The following PDE4B variants were observed in gnomAD, a reference collection of about 807,000 sequenced individuals.
PDE4B encodes 3',5'-cyclic-AMP phosphodiesterase 4B.
PDE4B carries 20 observed loss-of-function variants against 82.2 expected under a neutral mutation model. That is an observed-to-expected ratio of 0.24 (90% CI 0.17 to 0.35). The LOEUF is 0.35. Ranked by LOEUF, PDE4B falls within the 10% of genes least tolerant of loss-of-function variation. The pLI, the probability that PDE4B is intolerant of heterozygous loss-of-function variation, is 1.00. For synonymous variants in PDE4B, 320 were observed against 318.9 expected, an observed-to-expected ratio of 1.00 and a Z score of -0.04; for missense variants, 655 against 907.2, an observed-to-expected ratio of 0.72 and a Z score of 3.57.
chr1:66,200,449 T>C (rs898231911), intron 3 of PDE4B, among the ~76,000 whole-genome samples: 3 of 152,232 alleles, frequency 2.0e-5, no homozygotes, highest in African/African-American at 7.2e-5. Flanking sequence ...TATGGCCATT[T>C]TCACGATATT....
intron 3 of PDE4B, among the ~76,000 whole-genome samples, chr1:65,928,299 T>G (rs1035038367): frequency 3.9e-5 from 6 of 152,208 alleles, no homozygotes; most frequent in African/African-American, 7.2e-5. Flanking sequence ...ATTAGTCTTT[T>G]GTCCATTCGA....
rs1652737661 is a variant in PDE4B at position 66,015,755 on chromosome 1, G to A, written c.281+96920G>A. ...TCAAATTAATATTTCTTTTTCCAGA[G>A]GAAAAGGTGGGGGGTGTTTGATTAG... is the stretch of plus-strand genomic sequence containing the variant. On this transcript the variant is annotated intron_variant, in intron 3 of 16. Transcript: ENST00000341517. 2.6e-5 allele frequency among the ~76,000 whole-genome samples: 4 copies of A among 152,108 alleles called. No individual in the cohort carries two copies. In the South Asian group the frequency reaches 8.3e-4, roughly 31 times the overall value.
intron 3 of PDE4B, among the ~76,000 whole-genome samples, chr1:66,058,984 T>C (rs570074736): frequency 6.6e-6 from 1 of 152,348 alleles, no homozygotes; most frequent in South Asian, 2.1e-4. Flanking sequence ...TTTTGAACTC[T>C]TATGCTCTGC....
At chr1:66,222,567 A>G (rs1376090970) in intron 3 of PDE4B, among the ~76,000 whole-genome samples, 1 of 152,204 alleles carries the variant, frequency 6.6e-6, no homozygotes, top group Non-Finnish European at 1.5e-5. Context: ...TCTAAAGGAG[A>G]AGATAAAAGT....
intron 1 of PDE4B, among the ~76,000 whole-genome samples, chr1:65,891,884 T>G (rs991235361): frequency 2.0e-5 from 3 of 152,090 alleles, no homozygotes; most frequent in Admixed American, 6.6e-5. Context: ...CAAATAATTA[T>G]TCTAGAAGTC....
At chr1:66,182,368 C>T (rs769657924) in intron 3 of PDE4B, among the ~76,000 whole-genome samples, 7 of 151,988 alleles carry the variant, frequency 4.6e-5, no homozygotes, top group South Asian at 2.1e-4. Flanking sequence ...TTATACAAAA[C>T]ATATATAGAG....
intron 1 of PDE4B, among the ~76,000 whole-genome samples, chr1:65,866,615 T>G (rs1316528463): frequency 6.6e-6 from 1 of 152,206 alleles, no homozygotes; most frequent in Non-Finnish European, 1.5e-5. Flanking sequence ...CTAGGTCACG[T>G]AAAGCTACCA....
chr1:65,923,883 T>C (rs1647347936), intron 3 of PDE4B, among the ~76,000 whole-genome samples: 2 of 152,048 alleles, frequency 1.3e-5, no homozygotes, highest in Non-Finnish European at 2.9e-5. Context: ...TTATCAGATC[T>C]GGAATATTCT....
chr1:66,020,226 C>A (rs557354705), intron 3 of PDE4B, among the ~76,000 whole-genome samples: 27 of 152,172 alleles, frequency 1.8e-4, no homozygotes, highest in African/African-American at 6.0e-4. Flanking sequence ...CAGTAGGATT[C>A]TGATTAAGGC....
intron 3 of PDE4B, among the ~76,000 whole-genome samples, chr1:66,124,411 G>T (rs963549336): frequency 6.6e-6 from 1 of 152,114 alleles, no homozygotes; most frequent in Non-Finnish European, 1.5e-5. Flanking sequence ...TATTCAATTG[G>T]ACACTTTGAA....
intron 16 of PDE4B, among the ~76,000 whole-genome samples, chr1:66,371,715 C>T (rs1009940905): frequency 6.6e-6 from 1 of 152,170 alleles, no homozygotes; most frequent in Non-Finnish European, 1.5e-5. Context: ...CAAAAGCATT[C>T]CACAGAACTT....
At chr1:66,119,921 A>C (rs1645676321) in intron 3 of PDE4B, among the ~76,000 whole-genome samples, 1 of 152,162 alleles carries the variant, frequency 6.6e-6, no homozygotes, top group African/African-American at 2.4e-5. Flanking sequence ...CAAGCCATGG[A>C]ATCTCTGAGG....
intron 7 of PDE4B, among the ~76,000 whole-genome samples, chr1:66,300,983 G>T (rs1657849353): frequency 6.6e-6 from 1 of 152,080 alleles, no homozygotes; most frequent in African/African-American, 2.4e-5. Flanking sequence ...TCACAAACAG[G>T]CTCCATATTC....
At position 66,374,378 on chromosome 1, in the gene PDE4B, G is replaced by A. The variant is rs1361977041; in HGVS notation, c.*1700G>A. 1.3e-5 allele frequency: 2 copies of A among 152,560 alleles called. No individual in the cohort carries two copies. Among genetic ancestry groups the A allele is most frequent in the South Asian group, 2.1e-4 (1 of 4,830 alleles). The allele number at this position is 152,560 out of a possible 1,614,324, so 9.5% of individuals were successfully genotyped here. ...TGTTTCATGCTTTCAGTTCAGCATT[G>A]TGACTCAGTAATTACAGAAAATGGC... On this transcript the variant is annotated 3_prime_UTR_variant, in exon 17 of 17. Coordinates refer to ENST00000341517, the MANE Select transcript of PDE4B (RefSeq NM_002600.4).
chr1:66,134,833 C>T (rs975674335), intron 3 of PDE4B, among the ~76,000 whole-genome samples: 4 of 151,976 alleles, frequency 2.6e-5, no homozygotes, highest in South Asian at 2.1e-4. Flanking sequence ...GCTTTAGAGC[C>T]GTGTAGATAA....
At chr1:65,995,010 A>G (rs1651459445) in intron 3 of PDE4B, among the ~76,000 whole-genome samples, 1 of 152,156 alleles carries the variant, frequency 6.6e-6, no homozygotes, top group Admixed American at 6.6e-5. Flanking sequence ...ATGGTATCTG[A>G]AGTTACCTAC....
chr1:66,280,842 C>T (rs971672074), intron 7 of PDE4B, among the ~76,000 whole-genome samples: 1 of 152,024 alleles, frequency 6.6e-6, no homozygotes, highest in African/African-American at 2.4e-5. Context: ...ATATTTTAGG[C>T]CTATTGAGTT....
At chr1:66,164,870 C>G (rs1044762403) in intron 3 of PDE4B, among the ~76,000 whole-genome samples, 3 of 150,188 alleles carry the variant, frequency 2.0e-5, no homozygotes, top group Non-Finnish European at 4.4e-5. Context: ...TCATGCCATT[C>G]TCCTGCCTCA....
intron 7 of PDE4B, among the ~76,000 whole-genome samples, chr1:66,280,462 A>C (rs936073728): frequency 1.3e-5 from 2 of 152,256 alleles, no homozygotes; most frequent in Non-Finnish European, 2.9e-5. Context: ...CTTTAAAAGA[A>C]GTTAATTTGG....
Sources: allele counts gnomAD v4.1 joint callset (sites outside exome capture counted in the v4.1 genomes callset), GRCh38; gene constraint gnomAD v4.1.1; transcripts MANE v1.5; gene names NCBI Gene and HGNC (gene_info 2026-07-23, HGNC 2026-07-21).